GALNT9: variants seen among roughly 807,000 people sequenced by gnomAD.
GALNT9 encodes the protein polypeptide N-acetylgalactosaminyltransferase 9, also known as GalNAc transferase 9.
GALNT9 carries 47 observed loss-of-function variants against 63.1 expected under a neutral mutation model. That is an observed-to-expected ratio of 0.75 (90% CI 0.59 to 0.95). The LOEUF (loss-of-function observed/expected upper bound fraction) is 0.95, where lower values mean the gene tolerates loss of function less well. Among genes scored for constraint, GALNT9 ranks in the 40% least tolerant of loss-of-function variants. The pLI is 0.00. For missense variants in GALNT9, 829 were observed against 874.8 expected, an observed-to-expected ratio of 0.95 and a Z score of 0.66; for synonymous variants, 396 against 365.7, an observed-to-expected ratio of 1.08 and a Z score of -0.94.
intron 6 of GALNT9, among the ~76,000 whole-genome samples, chr12:132,230,874 G>A (rs1877864889): frequency 6.6e-6 from 1 of 152,230 alleles, no homozygotes; most frequent in South Asian, 2.1e-4. Flanking sequence ...GGCCACTGCA[G>A]GGCTCCCAAC....
At chr12:132,220,555 T>G (rs1877407675) in intron 6 of GALNT9, among the ~76,000 whole-genome samples, 1 of 152,216 alleles carries the variant, frequency 6.6e-6, no homozygotes, top group South Asian at 2.1e-4. Context: ...GCTAAGCAAG[T>G]GGCTCGAATT....
chr12:132,239,861 T>G (rs916103672), intron 6 of GALNT9, among the ~76,000 whole-genome samples: 1 of 147,088 alleles, frequency 6.8e-6, no homozygotes, highest in Non-Finnish European at 1.5e-5. Flanking sequence ...CACAAGGAGA[T>G]AGAGTGACAC....
Position 132,206,801 on chromosome 12 carries a change from G to A in GALNT9, c.1078-3111C>T, listed in dbSNP as rs115174495. On this transcript the variant is annotated intron_variant, in intron 6 of 10. Transcript: ENST00000328957. ...AATGGCAAATGTGGAGATGGCGGCTGACCTGAGTGCGGCACGCCATACCCC... is the reference window on the plus strand; with the variant it reads ...AATGGCAAATGTGGAGATGGCGGCTAACCTGAGTGCGGCACGCCATACCCC... Among the ~76,000 whole-genome samples, 377 of 152,302 alleles carry A rather than the reference G, an allele frequency of 2.5e-3. 3 individuals carry two copies. The highest frequency in any genetic ancestry group is 8.7e-3 in the African/African-American group (360 of 41,566).
chr12:132,311,071 A>T (rs1204934301), intron 1 of GALNT9, among the ~76,000 whole-genome samples: 12 of 152,214 alleles, frequency 7.9e-5, no homozygotes, highest in African/African-American at 2.7e-4. Context: ...AGAATACTGG[A>T]TTTAAACAAC....
In GALNT9 at chr12:132,262,650, C is replaced by T. The variant is rs369840211; in HGVS notation, c.420-25G>A. ...CCTGCAGGAAACACGGTTTGGGGTG[C>T]GGTCAGGGCGCAGCATGAGGGACCC... On this transcript the variant is annotated intron_variant, in intron 2 of 10. Transcript: ENST00000328957. The T allele has an allele frequency of 2.9e-4, 437 of 1,490,910 alleles. 2 individuals carry two copies. The East Asian group carries it at 8.0e-3, about 27-fold the overall frequency. 92.4% of individuals were successfully genotyped at this position (1,490,910 alleles called of 1,614,324 possible). A position where few individuals can be genotyped will look rare whatever the true frequency, so the allele number is the denominator to read the frequency against.
chr12:132,297,691 C>A (rs1881125243), intron 1 of GALNT9, among the ~76,000 whole-genome samples: 1 of 151,972 alleles, frequency 6.6e-6, no homozygotes, highest in African/African-American at 2.4e-5. Flanking sequence ...CCTGAGATAA[C>A]CAACTCGTTC....
In GALNT9 at chr12:132,199,364, AGGTGCCCGCGGGAGGAGGAG is replaced by A. The variant is rs1393446596; in HGVS notation, c.1402-115_1402-96del. The stretch of plus-strand genomic sequence containing the variant: ...CCAGCTCTGCAGCCAGCACCTAAGG[AGGTGCCCGCGGGAGGAGGAG>A]GGGGCGTGTGGGATGCTCTGGCCGG... On this transcript the variant is annotated intron_variant, in intron 8 of 10. Coordinates refer to ENST00000328957, the MANE Select transcript of GALNT9 (RefSeq NM_001122636.2). The A allele has an allele frequency of 4.5e-6, 4 of 888,576 alleles. No homozygotes were observed. The African/African-American group carries it at 6.6e-5, about 15-fold the overall frequency. 55.0% of individuals were successfully genotyped at this position (888,576 alleles called of 1,614,324 possible). A position where few individuals can be genotyped will look rare whatever the true frequency, so the allele number is the denominator to read the frequency against.
At position 132,245,589 on chromosome 12, in the gene GALNT9, A is replaced by AC. The variant is rs1156636272; in HGVS notation, c.1077+2320dup. Among the ~76,000 whole-genome samples, 2 of 149,334 alleles carry AC rather than the reference A, an allele frequency of 1.3e-5. No individual in the cohort carries two copies. Among genetic ancestry groups the AC allele is most frequent in the African/African-American group, 5.0e-5 (2 of 40,040 alleles). On this transcript the variant is annotated intron_variant, in intron 6 of 10. Transcript: ENST00000328957. The surrounding 1 kb of genome is among the most constrained non-coding windows in gnomAD (Gnocchi z 6.3). ...GGGCCCTCCGTGGTCCGGCACCCACACCCCCAGCCCAGCCTGCTGACCCTC... is the reference window on the plus strand; with the variant it reads ...GGGCCCTCCGTGGTCCGGCACCCACACCCCCCAGCCCAGCCTGCTGACCCTC...
intron 1 of GALNT9, among the ~76,000 whole-genome samples, chr12:132,321,029 A>T (rs1868762226): frequency 1.3e-5 from 2 of 152,152 alleles, no homozygotes; most frequent in Admixed American, 1.3e-4. Flanking sequence ...CTCTCGCTCC[A>T]GGGGCCTCCT....
chr12:132,237,484 C>T (rs1555236425), intron 6 of GALNT9, among the ~76,000 whole-genome samples: 2 of 152,264 alleles, frequency 1.3e-5, no homozygotes, highest in African/African-American at 4.8e-5. Context: ...CCTGTTTACA[C>T]CTGCACACAG....
chr12:132,207,848 C>G (rs1456396729), intron 6 of GALNT9, among the ~76,000 whole-genome samples: 3 of 152,176 alleles, frequency 2.0e-5, no homozygotes, highest in African/African-American at 7.2e-5. Flanking sequence ...AGTGAACCCC[C>G]ATGCCCTCAG....
intron 2 of GALNT9, chr12:132,275,516 C>G: frequency 6.6e-6 from 1 of 152,266 alleles, no homozygotes; most frequent in Non-Finnish European, 1.5e-5. Flanking sequence ...AGCCGTGAAT[C>G]CTCCTGGCCA....
At chr12:132,308,136 G>C (rs1241155561) in intron 1 of GALNT9, among the ~76,000 whole-genome samples, 1 of 152,222 alleles carries the variant, frequency 6.6e-6, no homozygotes, top group Non-Finnish European at 1.5e-5. Flanking sequence ...CGGAGGCAGA[G>C]GGTGCAGCAG....
chr12:132,226,521 CCACA>C (rs1450400796), intron 6 of GALNT9, among the ~76,000 whole-genome samples: 1 of 149,810 alleles, frequency 6.7e-6, no homozygotes, highest in Non-Finnish European at 1.5e-5. Context: ...TATACACACC[CCACA>C]CACATACACA....
intron 1 of GALNT9, among the ~76,000 whole-genome samples, chr12:132,298,876 C>T (rs1202965048): frequency 6.7e-6 from 1 of 148,824 alleles, no homozygotes; most frequent in African/African-American, 2.4e-5. Flanking sequence ...ATGACCAAGC[C>T]ACTCCTGAGA....
chr12:132,209,063 G>A (rs574331933), intron 6 of GALNT9, among the ~76,000 whole-genome samples: 1 of 152,168 alleles, frequency 6.6e-6, no homozygotes, highest in Non-Finnish European at 1.5e-5. Flanking sequence ...CCACAGCCAG[G>A]GCGGAAGTCC....
intron 7 of GALNT9, 126 bp downstream of exon 7, chr12:132,203,379 C>T (rs1876340047): frequency 2.6e-6 from 2 of 773,920 alleles, no homozygotes; most frequent in Middle Eastern, 3.6e-4. Context: ...CACCTGTGCA[C>T]ACCTGTCAAC....
rs1868748075 is a variant in GALNT9 at position 132,320,757 on chromosome 12, AATC to A, written c.238+8206_238+8208del. Among the ~76,000 whole-genome samples, 3 of 152,266 alleles carry A rather than the reference AATC, an allele frequency of 2.0e-5. No homozygotes were observed. In the South Asian group the frequency reaches 6.2e-4, roughly 32 times the overall value. On this transcript the variant is annotated intron_variant, in intron 1 of 10. Coordinates refer to ENST00000328957, the MANE Select transcript of GALNT9 (RefSeq NM_001122636.2). The stretch of plus-strand genomic sequence containing the variant: ...CCACCAGGTGCCCTCGGGGTTGGAG[AATC>A]ATCAGCCCACCCTCATCTCAGAGGC...
chr12:132,255,116 G>T (rs2135539500), intron 5 of GALNT9, among the ~76,000 whole-genome samples: 1 of 152,278 alleles, frequency 6.6e-6, no homozygotes, highest in Non-Finnish European at 1.5e-5. Context: ...TCTCAACCAA[G>T]GGCACCCCAA....
Sources: allele counts gnomAD v4.1 joint callset (sites outside exome capture counted in the v4.1 genomes callset), GRCh38; gene constraint gnomAD v4.1.1; non-coding constraint Gnocchi (gnomAD v3.1); transcripts MANE v1.5; gene names NCBI Gene and HGNC (gene_info 2026-07-23, HGNC 2026-07-21).